AUTS2: variants seen among roughly 807,000 people sequenced by gnomAD.
The protein encoded by AUTS2 is activator of transcription and developmental regulator AUTS2.
Under a neutral mutation model 112.4 loss-of-function variants are expected in AUTS2, and 17 were observed. The ratio of observed to expected loss-of-function variants is 0.15; its 90% CI spans 0.10 to 0.23. AUTS2 has a LOEUF of 0.23. AUTS2 is among the 10% of genes least tolerant of loss of function. AUTS2 has a pLI of 1.00. For missense variants in AUTS2, 1,510 were observed against 1,701.6 expected (o/e 0.89, Z 1.98); for synonymous variants, 751 against 702.7 (o/e 1.07, Z -1.09).
At chr7:70,328,509 G>A (rs377417100) in intron 4 of AUTS2, among the ~76,000 whole-genome samples, 1 of 152,016 alleles carries the variant, frequency 6.6e-6, no homozygotes, top group African/African-American at 2.4e-5. Context: ...GGTGTAAGCC[G>A]CCATGCCCAG....
chr7:69,653,817 C>G (rs1263326753), intron 1 of AUTS2, among the ~76,000 whole-genome samples: 1 of 152,068 alleles, frequency 6.6e-6, no homozygotes, highest in Admixed American at 6.5e-5. Flanking sequence ...TGAGGCTCAC[C>G]CTGCCTGCCA....
intron 2 of AUTS2, among the ~76,000 whole-genome samples, chr7:69,991,915 G>T (rs541064287): frequency 2.6e-5 from 4 of 152,060 alleles, no homozygotes; most frequent in Non-Finnish European, 5.9e-5. Context: ...TGTATCTGAG[G>T]GTAGAACATA....
intron 1 of AUTS2, among the ~76,000 whole-genome samples, chr7:69,671,598 A>G (rs1796334388): frequency 6.6e-6 from 1 of 151,134 alleles, no homozygotes; most frequent in Admixed American, 6.6e-5. Context: ...CAGCCCTAGT[A>G]TCTAAGTGTG....
chr7:69,940,793 T>G (rs1039471060), intron 2 of AUTS2, among the ~76,000 whole-genome samples: 1 of 151,842 alleles, frequency 6.6e-6, no homozygotes, highest in Non-Finnish European at 1.5e-5. Context: ...GTAGTAGAGG[T>G]AAGGATGGAT....
chr7:70,478,280 A>G (rs902892501), intron 5 of AUTS2, among the ~76,000 whole-genome samples: 4 of 152,148 alleles, frequency 2.6e-5, no homozygotes, highest in Admixed American at 2.6e-4. Context: ...ACCCAGAAAT[A>G]CCCACTGCTG....
chr7:70,364,321 T>C (rs555572671), intron 4 of AUTS2, among the ~76,000 whole-genome samples: 2 of 151,958 alleles, frequency 1.3e-5, no homozygotes, highest in East Asian at 1.9e-4. Context: ...CCCAGCACTT[T>C]GGGAGGCCAA....
At chr7:70,482,038 A>C (rs1797807907) in intron 5 of AUTS2, among the ~76,000 whole-genome samples, 2 of 152,164 alleles carry the variant, frequency 1.3e-5, no homozygotes, top group Non-Finnish European at 2.9e-5. Flanking sequence ...AATATTTATG[A>C]GGTTAAAGTC....
intron 4 of AUTS2, among the ~76,000 whole-genome samples, chr7:70,368,906 C>CAGCT (rs1165080577): frequency 6.6e-6 from 1 of 152,080 alleles, no homozygotes; most frequent in Non-Finnish European, 1.5e-5. Flanking sequence ...ATGTTTGGAA[C>CAGCT]AGCTGTTTGT....
At chr7:70,707,781 G>A (rs1268010790) in intron 6 of AUTS2, among the ~76,000 whole-genome samples, 2 of 152,144 alleles carry the variant, frequency 1.3e-5, no homozygotes, top group African/African-American at 4.8e-5. Flanking sequence ...GCTCTTCCAT[G>A]CCCATTCTTG....
intron 4 of AUTS2, among the ~76,000 whole-genome samples, chr7:70,135,236 C>A (rs996028788): frequency 2.0e-5 from 3 of 152,076 alleles, no homozygotes; most frequent in Non-Finnish European, 4.4e-5. Context: ...GTTGTCACTT[C>A]ATTATATTTA....
At chr7:70,581,433 C>G (rs1316232711) in intron 5 of AUTS2, among the ~76,000 whole-genome samples, 1 of 152,170 alleles carries the variant, frequency 6.6e-6, no homozygotes, top group African/African-American at 2.4e-5. Flanking sequence ...TGGCATGTGC[C>G]TATAGTCCCG....
intron 2 of AUTS2, among the ~76,000 whole-genome samples, chr7:69,911,737 A>G (rs13224557): frequency 0.16 from 24,636 of 151,916 alleles, 2,031 homozygotes; most frequent in Middle Eastern, 0.21. Flanking sequence ...TCGGGTTTTT[A>G]TGTGCTTAGA....
chr7:70,729,170 T>G (rs1787212127), intron 6 of AUTS2: 2 of 456,486 alleles, frequency 4.4e-6, no homozygotes, highest in Non-Finnish European at 8.8e-6. Context: ...CCAGAGCCTT[T>G]GGAGACCTGT....
rs527743781 is a variant in AUTS2 at position 69,646,794 on chromosome 7, A to G, written c.309+46832A>G. Among the ~76,000 whole-genome samples, 7 of 152,276 alleles carry G rather than the reference A, an allele frequency of 4.6e-5. No homozygotes were observed. In the South Asian group the frequency reaches 8.3e-4, roughly 18 times the overall value. ...TCTCTTCCCTGTTTGCTTTAAAAAC[A>G]TAGTGACCTTGACCGGGTGCGGTGG... is the stretch of plus-strand genomic sequence containing the variant. On this transcript the variant is annotated intron_variant, in intron 1 of 18. Coordinates refer to ENST00000342771, the MANE Select transcript of AUTS2 (RefSeq NM_015570.4).
intron 2 of AUTS2, among the ~76,000 whole-genome samples, chr7:70,039,889 G>T (rs1368034977): frequency 5.3e-5 from 8 of 152,080 alleles, no homozygotes; most frequent in Non-Finnish European, 8.8e-5. Flanking sequence ...AGTCTTGCTG[G>T]GTACAGAGAA....
intron 5 of AUTS2, among the ~76,000 whole-genome samples, chr7:70,440,983 C>T (rs1323125205): frequency 1.3e-5 from 2 of 152,146 alleles, no homozygotes; most frequent in East Asian, 3.9e-4. Context: ...CAAAGGGAAA[C>T]ATGATTTTTC....
chr7:70,472,620 G>C lies in AUTS2; in HGVS notation c.690+36839G>C, dbSNP rs1475664585. ...GGGATAAGAATGCTGGATACAATGA[G>C]GTAAGCTTTGTTTAAAAGGATTTAG... On this transcript the variant is annotated intron_variant, in intron 5 of 18. Transcript: ENST00000342771. Among the ~76,000 whole-genome samples the C allele has an allele frequency of 2.0e-5, 3 of 152,136 alleles. No individual in the cohort carries two copies. In the East Asian group the frequency reaches 5.8e-4, roughly 29 times the overall value.
intron 4 of AUTS2, among the ~76,000 whole-genome samples, chr7:70,306,254 G>A (rs1381889697): frequency 6.6e-6 from 1 of 152,190 alleles, no homozygotes; most frequent in Non-Finnish European, 1.5e-5. Context: ...AGTGATGGTA[G>A]TAGATAAAAC....
intron 4 of AUTS2, among the ~76,000 whole-genome samples, chr7:70,162,732 A>C (rs1042905874): frequency 3.3e-5 from 5 of 152,188 alleles, no homozygotes; most frequent in Non-Finnish European, 5.9e-5. Flanking sequence ...CATTATTATA[A>C]AATATTTACG....
Sources: gnomAD v4.1 joint callset for allele counts (sites outside exome capture counted in the v4.1 genomes callset) on GRCh38, gnomAD v4.1.1 for gene constraint, MANE v1.5 for transcripts, NCBI Gene and HGNC (gene_info 2026-07-23, HGNC 2026-07-21) for gene names.